SCN10A: variants seen among roughly 807,000 people sequenced by gnomAD.
SCN10A encodes sodium channel protein type 10 subunit alpha.
SCN10A carries 162 observed loss-of-function variants against 170.7 expected under a neutral mutation model. That is an observed-to-expected ratio of 0.95 (90% CI 0.84 to 1.08). SCN10A has a LOEUF of 1.08. Among genes scored for constraint, SCN10A ranks in the 50% least tolerant of loss-of-function variants. The probability of loss-of-function intolerance (pLI) is 0.00; values close to 1 mark genes in which losing one functional copy is unlikely to be tolerated. For synonymous variants in SCN10A, 985 were observed against 904.6 expected, an observed-to-expected ratio of 1.09 and a Z score of -1.59; for missense variants, 2,527 against 2,436.9, an observed-to-expected ratio of 1.04 and a Z score of -0.78.
chr3:38,754,850 T>A (rs1289725013), intron 11 of SCN10A, among the ~76,000 whole-genome samples: 1 of 151,822 alleles, frequency 6.6e-6, no homozygotes, highest in Non-Finnish European at 1.5e-5. Flanking sequence ...AAGTGAGAGG[T>A]ATAAAGCATA....
intron 4 of SCN10A, among the ~76,000 whole-genome samples, chr3:38,773,178 T>C (rs1217801041): frequency 6.6e-6 from 1 of 152,122 alleles, no homozygotes; most frequent in African/African-American, 2.4e-5. Flanking sequence ...CTAATAAAGT[T>C]ACTAGAAGCT....
chr3:38,707,571 G>T (rs1223444819), intron 25 of SCN10A, among the ~76,000 whole-genome samples, 188 bp from the exon 26 acceptor site: 1 of 152,158 alleles, frequency 6.6e-6, no homozygotes, highest in African/African-American at 2.4e-5. Flanking sequence ...TTCCATTGCT[G>T]ACTCCCTGCC....
intron 1 of SCN10A, among the ~76,000 whole-genome samples, chr3:38,802,489 C>G (rs2064378809): frequency 6.6e-6 from 1 of 152,116 alleles, no homozygotes; most frequent in Non-Finnish European, 1.5e-5. Flanking sequence ...CACATTGTAA[C>G]TTCATTATTC....
rs1559435408 is a variant in SCN10A, at chr3:38,739,702, C to G, written c.2107-14G>C. 6.2e-7 allele frequency: 1 copy of G among 1,605,440 alleles called. No homozygotes were observed. Among genetic ancestry groups the G allele is most frequent in the African/African-American group, 1.3e-5 (1 of 74,872 alleles). On this transcript the variant is annotated splice_polypyrimidine_tract_variant and intron_variant, in intron 14 of 27. Transcript: ENST00000449082. Reference sequence around the variant, plus strand: ...TATGGTAAAGACCTAGGAGTGGAAACAAGCTTTCATCACAGTGGGATCTGT... The same window carrying G: ...TATGGTAAAGACCTAGGAGTGGAAAGAAGCTTTCATCACAGTGGGATCTGT...
rs993989438 is a variant in SCN10A, at chr3:38,763,490, T to A, written c.691+15A>T. On this transcript the variant is annotated intron_variant, in intron 6 of 27. Transcript: ENST00000449082. ...GCTGTGAAAACCAACATATGCTCTG[T>A]GAATAAATGCTCACCTGGGATCACA... 3 of 1,601,666 alleles carry A rather than the reference T, an allele frequency of 1.9e-6. No homozygotes were observed. Among genetic ancestry groups the A allele is most frequent in the Non-Finnish European group, 2.6e-6 (3 of 1,168,634 alleles).
Position 38,725,170 on chromosome 3 carries a change from C to T in SCN10A, c.3228+4G>A. 6.3e-7 allele frequency: 1 copy of T among 1,581,898 alleles called. No individual in the cohort carries two copies. The highest frequency in any genetic ancestry group is 8.6e-7 in the Non-Finnish European group (1 of 1,156,254). On this transcript the variant is annotated splice_donor_region_variant and intron_variant, in intron 18 of 27. Coordinates refer to ENST00000449082, the MANE Select transcript of SCN10A (RefSeq NM_006514.4). ...CAACCTCTCCAGGAAGCTGACATAC[C>T]TACCTCAGCAGGGACCTGAGGAACA...
intron 1 of SCN10A, among the ~76,000 whole-genome samples, chr3:38,796,030 A>T (rs2064340091): frequency 6.6e-6 from 1 of 152,168 alleles, no homozygotes. Context: ...TTATATGCAG[A>T]TGACTGAGTC....
At chr3:38,776,076 T>G (rs1305955106) in intron 4 of SCN10A, among the ~76,000 whole-genome samples, 1 of 152,064 alleles carries the variant, frequency 6.6e-6, no homozygotes, top group Non-Finnish European at 1.5e-5. Context: ...TTTGATAGCT[T>G]TATATCATTA....
At chr3:38,751,218 C>T (rs1327662968) in intron 12 of SCN10A, among the ~76,000 whole-genome samples, 2 of 152,220 alleles carry the variant, frequency 1.3e-5, no homozygotes, top group African/African-American at 4.8e-5. Flanking sequence ...GGCAGCCTCT[C>T]TGACACATGA....
At chr3:38,728,966 G>C (rs1245740623) in intron 15 of SCN10A, 65 bp from the exon 16 acceptor site, 13 of 1,524,602 alleles carry the variant, frequency 8.5e-6, no homozygotes, top group Non-Finnish European at 1.1e-5. Flanking sequence ...CTAAAGTTTT[G>C]CCTGGAAACC....
At chr3:38,715,582 C>G (rs1193175998) in intron 21 of SCN10A, among the ~76,000 whole-genome samples, 3 of 152,172 alleles carry the variant, frequency 2.0e-5, no homozygotes, top group Non-Finnish European at 2.9e-5. Context: ...TCAAGGTCAG[C>G]CTTTAGCTAA....
At position 38,697,445 on chromosome 3, in the gene SCN10A, AG is replaced by A; in HGVS notation, c.5774del (p.Thr1925IlefsTer10). ...TSFPPSYESV[T>X]RGLSDRVNMR... ...TGTTGACTCTATCACTAAGGCCTCT[AG>A]TGACACTCTCATAGGACGGTGGGAA... On this transcript the variant is annotated frameshift_variant, in exon 28 of 28. Transcript: ENST00000449082. LOFTEE classifies it low-confidence loss of function (END_TRUNC). 6.2e-7 allele frequency: 1 copy of A among 1,614,202 alleles called. No individual in the cohort carries two copies.
At chr3:38,796,914 G>T (rs1483350047) in intron 1 of SCN10A, among the ~76,000 whole-genome samples, 1 of 152,004 alleles carries the variant, frequency 6.6e-6, no homozygotes, top group African/African-American at 2.4e-5. Flanking sequence ...TGATTTTCCA[G>T]AACCTAGTAC....
At chr3:38,743,282 G>A (rs541923723) in intron 13 of SCN10A, among the ~76,000 whole-genome samples, 11 of 152,302 alleles carry the variant, frequency 7.2e-5, no homozygotes, top group African/African-American at 2.4e-4. Flanking sequence ...CACACAGTGC[G>A]TGGGTGGCTC....
chr3:38,732,194 G>T (rs1366092376), intron 15 of SCN10A, among the ~76,000 whole-genome samples: 1 of 152,232 alleles, frequency 6.6e-6, no homozygotes, highest in South Asian at 2.1e-4. Context: ...CACAACGGAA[G>T]ACTGTTTTCC....
intron 15 of SCN10A, among the ~76,000 whole-genome samples, chr3:38,732,453 G>A (rs1324389850): frequency 6.6e-6 from 1 of 152,220 alleles, no homozygotes; most frequent in African/African-American, 2.4e-5. Context: ...AGCACTGAAT[G>A]TGCTGTGAGA....
intron 23 of SCN10A, 69 bp downstream of exon 23, chr3:38,712,092 G>A: frequency 6.6e-7 from 1 of 1,504,500 alleles, no homozygotes; most frequent in Non-Finnish European, 9.1e-7. Context: ...GCATCTTCTG[G>A]GAACCTAGAC....
chr3:38,808,121 T>G (rs961571531), intron 1 of SCN10A, among the ~76,000 whole-genome samples: 1 of 152,172 alleles, frequency 6.6e-6, no homozygotes, highest in Non-Finnish European at 1.5e-5. Flanking sequence ...CATGATCTGG[T>G]CCCTGCCCAT....
chr3:38,746,100 T>TATATATATATAG (rs71085336), intron 13 of SCN10A, among the ~76,000 whole-genome samples: 30 of 99,830 alleles, frequency 3.0e-4, no homozygotes, highest in African/African-American at 5.0e-4. Context: ...TATATATATA[T>TATATATATATAG]GCCATCTTTG....
Sources: allele counts gnomAD v4.1 joint callset (sites outside exome capture counted in the v4.1 genomes callset), GRCh38; gene constraint gnomAD v4.1.1; transcripts MANE v1.5; gene names NCBI Gene and HGNC (gene_info 2026-07-23, HGNC 2026-07-21).